NF1: variants seen among roughly 807,000 people sequenced by gnomAD.
The protein encoded by NF1 is neurofibromin.
NF1 carries 122 observed loss-of-function variants against 325.7 expected under a neutral mutation model. The ratio of observed to expected loss-of-function variants is 0.37; its 90% CI spans 0.32 to 0.44. NF1 has a LOEUF of 0.44. Among genes scored for constraint, NF1 ranks in the 20% least tolerant of loss-of-function variants. The pLI is 1.00. For synonymous variants in NF1, 1,091 were observed against 1,186.0 expected, an observed-to-expected ratio of 0.92 and a Z score of 1.65; for missense variants, 2,140 against 3,415.4, an observed-to-expected ratio of 0.63 and a Z score of 9.31.
At chr17:31,307,643 T>G (rs1180338075) in intron 36 of NF1, among the ~76,000 whole-genome samples, 1 of 152,214 alleles carries the variant, frequency 6.6e-6, no homozygotes, top group Non-Finnish European at 1.5e-5. Flanking sequence ...CTCAATTGCC[T>G]TTCCTCTAAA....
intron 36 of NF1, among the ~76,000 whole-genome samples, chr17:31,266,138 A>T (rs917951838): frequency 2.6e-5 from 4 of 152,214 alleles, no homozygotes; most frequent in Non-Finnish European, 5.9e-5. Context: ...TAGTTCTGCT[A>T]CTCATTAGTT....
chr17:31,247,685 G>A (rs2067420063), intron 29 of NF1, among the ~76,000 whole-genome samples: 1 of 152,134 alleles, frequency 6.6e-6, no homozygotes, highest in East Asian at 1.9e-4. Flanking sequence ...CTGCCTTAGA[G>A]AATCTCTTAT....
intron 36 of NF1, among the ~76,000 whole-genome samples, chr17:31,301,893 T>C (rs148188084): frequency 2.6e-5 from 4 of 152,350 alleles, no homozygotes; most frequent in African/African-American, 9.6e-5. Flanking sequence ...CTGTGCCTTA[T>C]TCTTTTGCAG....
intron 5 of NF1, among the ~76,000 whole-genome samples, chr17:31,174,134 T>TA (rs2065978436): frequency 2.0e-5 from 3 of 152,206 alleles, no homozygotes; most frequent in South Asian, 4.1e-4. Context: ...TAAAATCGCT[T>TA]ATAGACAGGT....
At chr17:31,291,964 T>C (rs909217060) in intron 36 of NF1, among the ~76,000 whole-genome samples, 3 of 152,180 alleles carry the variant, frequency 2.0e-5, no homozygotes, top group African/African-American at 7.2e-5. Flanking sequence ...GTGATAATAA[T>C]CCTCACAACA....
chr17:31,180,699 C>T (rs1201792150), intron 5 of NF1, among the ~76,000 whole-genome samples: 1 of 152,154 alleles, frequency 6.6e-6, no homozygotes, highest in African/African-American at 2.4e-5. Flanking sequence ...ACAAGGATGC[C>T]CTCTCTCACC....
intron 1 of NF1, among the ~76,000 whole-genome samples, chr17:31,119,766 A>T (rs902496441): frequency 1.3e-5 from 2 of 152,106 alleles, no homozygotes; most frequent in Non-Finnish European, 2.9e-5. Flanking sequence ...GTCTTTAATC[A>T]ATCTTGAGTT....
chr17:31,368,815 T>G (rs1439784548), intron 57 of NF1, among the ~76,000 whole-genome samples: 1 of 152,216 alleles, frequency 6.6e-6, no homozygotes, highest in Non-Finnish European at 1.5e-5. Flanking sequence ...AGATTAAGAA[T>G]TACAACTAAA....
intron 11 of NF1, 58 bp downstream of exon 11, chr17:31,201,543 C>A (rs892667993): frequency 1.6e-6 from 2 of 1,276,094 alleles, no homozygotes; most frequent in East Asian, 2.3e-5. Flanking sequence ...CTTTTCTTTG[C>A]GTATTTCTTT....
intron 29 of NF1, among the ~76,000 whole-genome samples, chr17:31,242,868 G>A (rs1406688394): frequency 1.3e-5 from 2 of 152,114 alleles, no homozygotes; most frequent in Non-Finnish European, 2.9e-5. Context: ...TTAGTGCCTG[G>A]GCATTGAAGA....
In NF1 at chr17:31,216,930, C is replaced by T. The variant is rs534806143; in HGVS notation, c.1528-2075C>T. Among the ~76,000 whole-genome samples the T allele has an allele frequency of 2.0e-5, 3 of 152,310 alleles. No homozygotes were observed. In the South Asian group the frequency reaches 6.2e-4, roughly 32 times the overall value. On this transcript the variant is annotated intron_variant, in intron 13 of 57. Transcript: ENST00000358273. ...TCCTACTCATTCTAAGCTATTGTCA[C>T]TGCACTAAGGAAGCCTCCCTGAGTC...
chr17:31,132,956 C>T (rs113929039), intron 1 of NF1, among the ~76,000 whole-genome samples: 1,535 of 152,258 alleles, frequency 0.01, 33 homozygotes, highest in African/African-American at 0.033. Context: ...CATGAACCAC[C>T]GTGCCTGGCC....
At chr17:31,247,573 A>G (rs981174861) in intron 29 of NF1, among the ~76,000 whole-genome samples, 1 of 152,334 alleles carries the variant, frequency 6.6e-6, no homozygotes, top group Admixed American at 6.5e-5. Flanking sequence ...TTGGAGGGGA[A>G]TAAGAATTCT....
rs145609442 is a variant in NF1, at chr17:31,184,226, G to T, written c.888+1561G>T. 1.8e-3 allele frequency among the ~76,000 whole-genome samples: 281 copies of T among 152,290 alleles called. 6 individuals are homozygous for T. Among genetic ancestry groups the T allele is most frequent in the Admixed American group, 0.016 (240 of 15,304 alleles). Reference sequence around the variant, plus strand: ...CAAAATAAATGCATTTGACACTCCTGATTCACCGCTAATGAGAGGCAAGGA... The same window carrying T: ...CAAAATAAATGCATTTGACACTCCTTATTCACCGCTAATGAGAGGCAAGGA... On this transcript the variant is annotated intron_variant, in intron 8 of 57. Coordinates refer to ENST00000358273, the MANE Select transcript of NF1 (RefSeq NM_001042492.3).
In NF1 at chr17:31,337,534, T is replaced by C. The variant is rs2151556493; in HGVS notation, c.6594T>C (p.Ala2198=). ...SPGSYERETF[A]LTSLETVTEA... is the part of the protein sequence containing the mutation. ...GCTCCTATGAGAGAGAGACTTTTGC[T>C]TTGACATCCTTGGAAACAGTCACAG... The change falls in exon 43 of 58, where the codon GCT becomes GCC. Residue 2198 remains alanine (A), a synonymous_variant. Transcript: ENST00000358273. 3 of 1,614,148 alleles carry C rather than the reference T, an allele frequency of 1.9e-6. No individual in the cohort carries two copies. Among genetic ancestry groups the C allele is most frequent in the Non-Finnish European group, 2.5e-6 (3 of 1,179,984 alleles).
intron 36 of NF1, among the ~76,000 whole-genome samples, chr17:31,322,361 T>G (rs1349882773): frequency 6.6e-6 from 1 of 151,348 alleles, no homozygotes; most frequent in Non-Finnish European, 1.5e-5. Context: ...GCACCTGTAG[T>G]CCCACCTACT....
In NF1 at chr17:31,230,826, C is replaced by T. The variant is rs555538591; in HGVS notation, c.3114-16C>T. On this transcript the variant is annotated splice_polypyrimidine_tract_variant and intron_variant, in intron 23 of 57. Coordinates refer to ENST00000358273, the MANE Select transcript of NF1 (RefSeq NM_001042492.3). ...AAACATTGTTTGCTGTTTCTCTTTT[C>T]TCCACCATTCTATAGGAATAAGATG... The T allele has an allele frequency of 4.5e-6, 7 of 1,560,648 alleles. No homozygotes were observed. In the East Asian group the frequency reaches 1.4e-4, roughly 30 times the overall value.
chr17:31,240,938 C>T (rs1231170727), intron 29 of NF1, among the ~76,000 whole-genome samples: 6 of 152,096 alleles, frequency 3.9e-5, no homozygotes, highest in African/African-American at 1.2e-4. Flanking sequence ...AGTGTAGTGG[C>T]GTGATCTTGG....
intron 1 of NF1, among the ~76,000 whole-genome samples, chr17:31,112,492 A>G (rs1913500990): frequency 6.6e-6 from 1 of 152,068 alleles, no homozygotes; most frequent in South Asian, 2.1e-4. Flanking sequence ...GTGGGTATGA[A>G]GTGGTGTCTC....
Sources: gnomAD v4.1 joint callset for allele counts (sites outside exome capture counted in the v4.1 genomes callset) on GRCh38, gnomAD v4.1.1 for gene constraint, MANE v1.5 for transcripts, NCBI Gene and HGNC (gene_info 2026-07-23, HGNC 2026-07-21) for gene names.